BRIP1: variants seen among roughly 807,000 people sequenced by gnomAD.
BRIP1 encodes the protein BRCA1 interacting DNA helicase 1.
A neutral mutation model predicts 119.7 loss-of-function variants in BRIP1; 88 were observed. The ratio of observed to expected loss-of-function variants is 0.74; its 90% CI spans 0.62 to 0.88. The LOEUF (loss-of-function observed/expected upper bound fraction) is 0.88, where lower values mean the gene tolerates loss of function less well. Among genes scored for constraint, BRIP1 ranks in the 40% least tolerant of loss-of-function variants. The pLI, the probability that BRIP1 is intolerant of heterozygous loss-of-function variation, is 0.00. For missense variants in BRIP1, 1,259 were observed against 1,455.4 expected, an observed-to-expected ratio of 0.87 and a Z score of 2.20; for synonymous variants, 443 against 496.5, an observed-to-expected ratio of 0.89 and a Z score of 1.43.
chr17:61,765,301 A>G (rs1376529973), intron 14 of BRIP1, among the ~76,000 whole-genome samples: 1 of 144,658 alleles, frequency 6.9e-6, no homozygotes, highest in Non-Finnish European at 1.5e-5. Context: ...CTTAAAAATT[A>G]TAATACATAT....
At chr17:61,801,541 TC>T in intron 7 of BRIP1, 67 bp from the exon 8 acceptor site, 1 of 1,380,110 alleles carries the variant, frequency 7.2e-7, no homozygotes, top group Non-Finnish European at 1.0e-6. Context: ...AATAAGCTTA[TC>T]TCAGAATTTG....
chr17:61,840,489 C>A (rs1376197488), intron 6 of BRIP1, among the ~76,000 whole-genome samples: 5 of 151,108 alleles, frequency 3.3e-5, no homozygotes, highest in Non-Finnish European at 7.4e-5. Context: ...AAAATAAGAA[C>A]TACAAGGCCA....
rs1206599533 is a variant in BRIP1, at chr17:61,834,420, CAT to C, written c.627+12679_627+12680del. On this transcript the variant is annotated intron_variant, in intron 6 of 19. Coordinates refer to ENST00000259008, the MANE Select transcript of BRIP1 (RefSeq NM_032043.3). This position sits in a 1 kb window ranked among gnomAD's most constrained non-coding sequence, Gnocchi z 4.4. ...GATTTTTTTGAGAGCCTGGAGAAAA[CAT>C]AGTAGTGTTCTCTATGGTGGAAATG... Among the ~76,000 whole-genome samples the C allele has an allele frequency of 2.6e-5, 4 of 152,024 alleles. No homozygotes were observed. Among genetic ancestry groups the C allele is most frequent in the Non-Finnish European group, 5.9e-5 (4 of 68,014 alleles).
intron 3 of BRIP1, among the ~76,000 whole-genome samples, chr17:61,858,626 G>A (rs897594032): frequency 5.9e-5 from 9 of 152,092 alleles, no homozygotes; most frequent in African/African-American, 2.2e-4. Flanking sequence ...ACCTGCCTTG[G>A]CCTCCCAAAG....
chr17:61,786,829 T>A (rs935088759), intron 10 of BRIP1, among the ~76,000 whole-genome samples: 72 of 128,314 alleles, frequency 5.6e-4, no homozygotes, highest in African/African-American at 2.0e-3. Flanking sequence ...TAAATATATT[T>A]TATATAATAT....
At position 61,834,108 on chromosome 17, in the gene BRIP1, C is replaced by G. The variant is rs1310689384; in HGVS notation, c.627+12993G>C. Reference sequence around the variant, plus strand: ...TGCCCATGGGTCATAGTTTGCCAACCACTGGCATAGGAAAAAAGATTACGA... The same window carrying G: ...TGCCCATGGGTCATAGTTTGCCAACGACTGGCATAGGAAAAAAGATTACGA... On this transcript the variant is annotated intron_variant, in intron 6 of 19. Transcript: ENST00000259008. The surrounding 1 kb of genome is among the most constrained non-coding windows in gnomAD (Gnocchi z 4.4). 6.6e-6 allele frequency among the ~76,000 whole-genome samples: 1 copy of G among 152,044 alleles called. No individual in the cohort carries two copies. The highest frequency in any genetic ancestry group is 2.4e-5 in the African/African-American group (1 of 41,370).
intron 16 of BRIP1, among the ~76,000 whole-genome samples, chr17:61,721,491 G>C (rs185763489): frequency 2.0e-5 from 3 of 150,100 alleles, no homozygotes; most frequent in African/African-American, 7.3e-5. Flanking sequence ...GGATGGTCTC[G>C]ATCTCTTGAC....
intron 3 of BRIP1, among the ~76,000 whole-genome samples, chr17:61,859,172 T>C (rs2078939393): frequency 6.6e-6 from 1 of 152,202 alleles, no homozygotes; most frequent in African/African-American, 2.4e-5. Flanking sequence ...GAATGTATTC[T>C]TTTTTATATA....
At chr17:61,732,473 G>C (rs2076861910) in intron 16 of BRIP1, among the ~76,000 whole-genome samples, 1 of 152,128 alleles carries the variant, frequency 6.6e-6, no homozygotes, top group Non-Finnish European at 1.5e-5. Flanking sequence ...GGCGAAAGGT[G>C]TTGGTCAACT....
chr17:61,780,443 A>G lies in BRIP1; in HGVS notation c.1795-42T>C, dbSNP rs751788336. ...TTAGATAAATAAAATTATCTTTAGA[A>G]GAGGCTGGGCAAAGTGGCTCACACC... On this transcript the variant is annotated intron_variant, in intron 12 of 19. Transcript: ENST00000259008. The surrounding 1 kb of genome is among the most constrained non-coding windows in gnomAD (Gnocchi z 5.4). 4 of 1,562,778 alleles carry G rather than the reference A, an allele frequency of 2.6e-6. No individual in the cohort carries two copies. Among genetic ancestry groups the G allele is most frequent in the Non-Finnish European group, 2.6e-6 (3 of 1,134,886 alleles).
At chr17:61,750,662 G>T (rs2191247) in intron 14 of BRIP1, among the ~76,000 whole-genome samples, 117,871 of 151,126 alleles carry the variant, frequency 0.78, 46,448 homozygotes, top group African/African-American at 0.85. Context: ...AAACCAAACA[G>T]ATTCAAATAT....
chr17:61,701,929 G>C lies in BRIP1; in HGVS notation c.2493-8417C>G, dbSNP rs1008891128. On this transcript the variant is annotated intron_variant, in intron 17 of 19. Transcript: ENST00000259008. This position sits in a 1 kb window ranked among gnomAD's most constrained non-coding sequence, Gnocchi z 5.1. ...CTGTCAGGTTGTTGGCTTTCCTCACGATTTCAGGCTATTGGTTTTTAAGGC... is the reference window on the plus strand; with the variant it reads ...CTGTCAGGTTGTTGGCTTTCCTCACCATTTCAGGCTATTGGTTTTTAAGGC... Among the ~76,000 whole-genome samples, 1 of 152,110 alleles carries C rather than the reference G, an allele frequency of 6.6e-6. No homozygotes were observed. Among genetic ancestry groups the C allele is most frequent in the African/African-American group, 2.4e-5 (1 of 41,420 alleles).
rs754069182 is a variant in BRIP1 at position 61,846,584 on chromosome 17, G to A, written c.627+517C>T. ...GTATTTTTTGTAGAATCAGGGTTTC[G>A]CCATGTTGCCCAGGCTGGTTTCAAA... On this transcript the variant is annotated intron_variant, in intron 6 of 19. Transcript: ENST00000259008. The surrounding 1 kb of genome is among the most constrained non-coding windows in gnomAD (Gnocchi z 4.3). 1.3e-5 allele frequency among the ~76,000 whole-genome samples: 2 copies of A among 151,942 alleles called. No individual in the cohort carries two copies. Among genetic ancestry groups the A allele is most frequent in the Non-Finnish European group, 1.5e-5 (1 of 67,976 alleles).
intron 6 of BRIP1, among the ~76,000 whole-genome samples, chr17:61,813,842 A>C (rs1394270713): frequency 3.3e-5 from 5 of 152,086 alleles, no homozygotes; most frequent in Non-Finnish European, 7.4e-5. Context: ...AGAGAGCTTC[A>C]TTCTTAAATT....
At position 61,827,313 on chromosome 17, in the gene BRIP1, A is replaced by C. The variant is rs763941290; in HGVS notation, c.628-18556T>G. The stretch of plus-strand genomic sequence containing the variant: ...CAGGGAGAGGATCAGAAAAATAACT[A>C]ATGGGTACTAGGCTTAATACCTGGG... On this transcript the variant is annotated intron_variant, in intron 6 of 19. Transcript: ENST00000259008. This position sits in a 1 kb window ranked among gnomAD's most constrained non-coding sequence, Gnocchi z 5.8. Among the ~76,000 whole-genome samples, 6 of 152,168 alleles carry C rather than the reference A, an allele frequency of 3.9e-5. No homozygotes were observed. The highest frequency in any genetic ancestry group is 8.8e-5 in the Non-Finnish European group (6 of 68,030).
rs138284046 is a variant in BRIP1, at chr17:61,739,491, C to T, written c.2379+3522G>A. The stretch of plus-strand genomic sequence containing the variant: ...CTCTGAATCATCAAGTGAGATACCC[C>T]CTGAGGACTTTCAGAAATTTTGAAG... On this transcript the variant is annotated intron_variant, in intron 16 of 19. Coordinates refer to ENST00000259008, the MANE Select transcript of BRIP1 (RefSeq NM_032043.3). The surrounding 1 kb of genome is among the most constrained non-coding windows in gnomAD (Gnocchi z 6.0). 982 of 178,546 alleles carry T rather than the reference C, an allele frequency of 5.5e-3. 8 individuals are homozygous for T. The highest frequency in any genetic ancestry group is 0.022 in the African/African-American group (932 of 42,356). The allele number at this position is 178,546 out of a possible 1,614,324, so 11.1% of individuals were successfully genotyped here.
intron 6 of BRIP1, among the ~76,000 whole-genome samples, chr17:61,838,473 G>C (rs1240195327): frequency 6.6e-6 from 1 of 151,800 alleles, no homozygotes; most frequent in Non-Finnish European, 1.5e-5. Flanking sequence ...GTGAACCCAG[G>C]AGGCGGAACT....
At position 61,761,459 on chromosome 17, in the gene BRIP1, A is replaced by C. The variant is rs963628843; in HGVS notation, c.2097+14942T>G. ...AAAAGCATCCAAATAGAAAAGAAAA[A>C]AGTGAAACTGCCCCTGTTTGCTGAA... On this transcript the variant is annotated intron_variant, in intron 14 of 19. Coordinates refer to ENST00000259008, the MANE Select transcript of BRIP1 (RefSeq NM_032043.3). The surrounding 1 kb of genome is among the most constrained non-coding windows in gnomAD (Gnocchi z 6.4). Among the ~76,000 whole-genome samples, 1 of 151,948 alleles carries C rather than the reference A, an allele frequency of 6.6e-6. No individual in the cohort carries two copies. Among genetic ancestry groups the C allele is most frequent in the Non-Finnish European group, 1.5e-5 (1 of 67,940 alleles).
At chr17:61,818,516 T>C (rs1411829837) in intron 6 of BRIP1, among the ~76,000 whole-genome samples, 1 of 152,178 alleles carries the variant, frequency 6.6e-6, no homozygotes, top group Non-Finnish European at 1.5e-5. Context: ...CTTTGAGATG[T>C]CATGGTAAGG....
Sources: gnomAD v4.1 joint callset for allele counts (sites outside exome capture counted in the v4.1 genomes callset) on GRCh38, gnomAD v4.1.1 for gene constraint, Gnocchi (gnomAD v3.1) non-coding constraint, MANE v1.5 for transcripts, NCBI Gene and HGNC (gene_info 2026-07-23, HGNC 2026-07-21) for gene names.